MECR: variants seen among roughly 807,000 people sequenced by gnomAD.
MECR encodes the protein mitochondrial trans-2-enoyl-CoA reductase.
MECR carries 37 observed loss-of-function variants against 49.1 expected under a neutral mutation model. The observed-to-expected ratio is 0.75, with a 90% confidence interval of 0.58 to 0.99. MECR has a LOEUF of 0.99. Ranked by LOEUF, MECR falls within the 50% of genes least tolerant of loss-of-function variation. MECR has a pLI of 0.00. For missense variants in MECR, 470 were observed against 479.6 expected, an observed-to-expected ratio of 0.98 and a Z score of 0.19; for synonymous variants, 198 against 191.1, an observed-to-expected ratio of 1.04 and a Z score of -0.30.
At chr1:29,203,012 C>G in intron 5 of MECR, 119 bp downstream of exon 5, 1 of 722,132 alleles carries the variant, frequency 1.4e-6, no homozygotes, top group Non-Finnish European at 2.2e-6. Context: ...GTTAGCGATG[C>G]CTAAAGCCAG....
intron 7 of MECR, among the ~76,000 whole-genome samples, 172 bp from the exon 8 acceptor site, chr1:29,196,430 T>TA (rs1404439405): frequency 1.3e-5 from 2 of 152,224 alleles, no homozygotes; most frequent in Non-Finnish European, 2.9e-5. Context: ...CTCATGCCTA[T>TA]AATCCCAGCA....
the MECR span, among the ~76,000 whole-genome samples, chr1:29,183,105 T>G: frequency 6.6e-6 from 1 of 152,244 alleles, no homozygotes; most frequent in African/African-American, 2.4e-5. Context: ...GTGAAAAGTC[T>G]TCGCTGTCCA....
intron 3 of MECR, among the ~76,000 whole-genome samples, chr1:29,215,771 T>C (rs1423741298): frequency 1.3e-5 from 2 of 152,090 alleles, no homozygotes; most frequent in South Asian, 2.1e-4. Context: ...CTTGGGAGGC[T>C]GAGGCAGGAG....
chr1:29,210,956 T>C (rs1052053709), intron 3 of MECR, among the ~76,000 whole-genome samples: 2 of 152,232 alleles, frequency 1.3e-5, no homozygotes, highest in African/African-American at 4.8e-5. Flanking sequence ...TCCCAGACTT[T>C]AGCTCTGAGG....
At chr1:29,197,877 T>C (rs1056463666) in intron 7 of MECR, among the ~76,000 whole-genome samples, 2 of 152,240 alleles carry the variant, frequency 1.3e-5, no homozygotes, top group African/African-American at 4.8e-5. Context: ...AACCTTGTTT[T>C]AGAGATGAGA....
intron 1 of MECR, 56 bp from the exon 2 acceptor site, chr1:29,216,741 C>A: frequency 6.2e-7 from 1 of 1,612,538 alleles, no homozygotes; most frequent in Non-Finnish European, 8.5e-7. Context: ...ATGGGTGTTT[C>A]GCTCAAATCA....
At chr1:29,186,287 G>A in the MECR span, among the ~76,000 whole-genome samples, 2 of 152,198 alleles carry the variant, frequency 1.3e-5, no homozygotes, top group Non-Finnish European at 2.9e-5. Flanking sequence ...TCATCAGACT[G>A]TTCACAGTCA....
the MECR span, among the ~76,000 whole-genome samples, chr1:29,181,324 T>C: frequency 5.9e-5 from 9 of 152,316 alleles, no homozygotes; most frequent in African/African-American, 1.9e-4. Flanking sequence ...GTTCCGGGCC[T>C]AGGAAGGGAA....
chr1:29,214,090 C>A (rs1678721088), intron 3 of MECR, among the ~76,000 whole-genome samples: 1 of 145,050 alleles, frequency 6.9e-6, no homozygotes, highest in Non-Finnish European at 1.5e-5. Context: ...GAGATGGAGT[C>A]TTACTCTGTC....
At chr1:29,200,481 C>T (rs1675045113) in intron 7 of MECR, 35 bp downstream of exon 7, 7 of 1,601,280 alleles carry the variant, frequency 4.4e-6, no homozygotes, top group Non-Finnish European at 6.0e-6. Flanking sequence ...CTGGAGAGCT[C>T]TGGCGAGCTG....
At chr1:29,211,200 C>T (rs1677939907) in intron 3 of MECR, among the ~76,000 whole-genome samples, 3 of 152,066 alleles carry the variant, frequency 2.0e-5, no homozygotes, top group African/African-American at 7.2e-5. Context: ...TGTCAGCCTC[C>T]CCAGTGGCTG....
chr1:29,169,144 T>C, the MECR span: 1 of 152,244 alleles, frequency 6.6e-6, no homozygotes, highest in South Asian at 2.1e-4. Context: ...TTACACACAT[T>C]ATATCCATTT....
At chr1:29,216,942 C>A in intron 1 of MECR, 1 of 586,256 alleles carries the variant, frequency 1.7e-6, no homozygotes. Flanking sequence ...CAAGACCAGC[C>A]TGGCCAACAT....
chr1:29,229,108 C>G (rs2151926124), intron 1 of MECR: 1 of 152,170 alleles, frequency 6.6e-6, no homozygotes, highest in South Asian at 2.1e-4. Flanking sequence ...TCTTGACATT[C>G]TTTTCGTTTC....
chr1:29,213,991 G>A (rs12076170), intron 3 of MECR, among the ~76,000 whole-genome samples: 1,617 of 152,160 alleles, frequency 0.011, 33 homozygotes, highest in African/African-American at 0.037. Context: ...TGATAGTACT[G>A]GGGTTCCTGG....
At chr1:29,210,567 G>T (rs1030764925) in intron 3 of MECR, among the ~76,000 whole-genome samples, 7 of 152,070 alleles carry the variant, frequency 4.6e-5, no homozygotes, top group Non-Finnish European at 8.8e-5. Context: ...TCCCCTTATG[G>T]CACGACAATG....
chr1:29,181,810 C>A, the MECR span: 4 of 1,436,304 alleles, frequency 2.8e-6, no homozygotes, highest in African/African-American at 2.9e-5. Context: ...CGGCGGCGGG[C>A]AAAGCGAGAG....
At chr1:29,224,739 T>G (rs1456193855) in intron 1 of MECR, 1 of 152,234 alleles carries the variant, frequency 6.6e-6, no homozygotes, top group Non-Finnish European at 1.5e-5. Context: ...CTGAAGATAA[T>G]TGGAGACTAA....
At chr1:29,204,027 C>T (rs1252173466) in intron 4 of MECR, among the ~76,000 whole-genome samples, 1 of 152,160 alleles carries the variant, frequency 6.6e-6, no homozygotes, top group African/African-American at 2.4e-5. Context: ...TCAGTTTCAC[C>T]AATGATTGTA....
Sources: allele counts gnomAD v4.1 joint callset (sites outside exome capture counted in the v4.1 genomes callset), GRCh38; gene constraint gnomAD v4.1.1; transcripts MANE v1.5; gene names NCBI Gene and HGNC (gene_info 2026-07-23, HGNC 2026-07-21).